The following HECW1 variants were observed in gnomAD, a reference collection of about 807,000 sequenced individuals.
HECW1 encodes HECT, C2 and WW domain containing E3 ubiquitin protein ligase 1, also known as E3 ubiquitin-protein ligase HECW1.
Under a neutral mutation model 182.3 loss-of-function variants are expected in HECW1, and 61 were observed. The observed-to-expected ratio is 0.33, with a 90% CI of 0.27 to 0.41. The LOEUF (loss-of-function observed/expected upper bound fraction) is 0.41, where lower values mean the gene tolerates loss of function less well. Among genes scored for constraint, HECW1 ranks in the 10% least tolerant of loss-of-function variants. HECW1 has a pLI of 1.00. For synonymous variants in HECW1, 859 were observed against 832.6 expected (o/e 1.03, Z -0.55); for missense variants, 1,739 against 2,108.9 (o/e 0.82, Z 3.44).
intron 13 of HECW1, among the ~76,000 whole-genome samples, chr7:43,457,969 T>C (rs2077459209): frequency 6.6e-6 from 1 of 152,152 alleles, no homozygotes; most frequent in Non-Finnish European, 1.5e-5. Context: ...ACAAAAACCA[T>C]AAAAGACTTG....
In HECW1 at chr7:43,444,648, G is replaced by A. The variant is rs1186992883; in HGVS notation, c.1476G>A (p.Thr492=). 3 of 1,607,932 alleles carry A rather than the reference G, an allele frequency of 1.9e-6. No individual in the cohort carries two copies. The highest frequency in any genetic ancestry group is 2.2e-5 in the East Asian group (1 of 44,646). ...AGGAGCCCTTGGAGGAGGAAGCAAC[G>A]ACCCAGAGCCGGGCTGGAAGGGAAG... ...TKEEPLEEEA[T]TQSRAGREEE... is the part of the protein sequence containing the mutation. The change falls in exon 11 of 30, where the codon ACG becomes ACA. Residue 492 remains threonine (T), a synonymous_variant. Coordinates refer to ENST00000395891, the MANE Select transcript of HECW1 (RefSeq NM_015052.5). This position sits in a 1 kb window ranked among gnomAD's most constrained non-coding sequence, Gnocchi z 4.3.
chr7:43,399,788 A>G (rs1421168627), intron 7 of HECW1, among the ~76,000 whole-genome samples: 1 of 152,200 alleles, frequency 6.6e-6, no homozygotes, highest in African/African-American at 2.4e-5. Flanking sequence ...ATTCCCAGCA[A>G]AGGAAAGTGA....
At chr7:43,156,846 T>C (rs551129040) in intron 2 of HECW1, among the ~76,000 whole-genome samples, 1 of 152,202 alleles carries the variant, frequency 6.6e-6, no homozygotes, top group African/African-American at 2.4e-5. Flanking sequence ...CACACCAAAG[T>C]GATCAGGAAA....
intron 12 of HECW1, among the ~76,000 whole-genome samples, chr7:43,452,761 G>C (rs2077275740): frequency 6.6e-6 from 1 of 152,196 alleles, no homozygotes; most frequent in African/African-American, 2.4e-5. Context: ...GAGTTCGTGT[G>C]GGGGTGGCTG....
intron 13 of HECW1, 65 bp downstream of exon 13, chr7:43,456,512 G>C: frequency 6.7e-7 from 1 of 1,502,626 alleles, no homozygotes; most frequent in South Asian, 1.2e-5. Context: ...AGCTAGAGAC[G>C]CTCCCCTTAC....
chr7:43,205,738 C>T (rs1335336189), intron 2 of HECW1, among the ~76,000 whole-genome samples: 1 of 152,198 alleles, frequency 6.6e-6, no homozygotes, highest in African/African-American at 2.4e-5. Flanking sequence ...TCCTCAGTTT[C>T]ATCATGGTCA....
At chr7:43,280,123 G>T (rs1803699912) in intron 3 of HECW1, among the ~76,000 whole-genome samples, 1 of 152,182 alleles carries the variant, frequency 6.6e-6, no homozygotes, top group Non-Finnish European at 1.5e-5. Flanking sequence ...CAGATGCTGG[G>T]TCAGGACTAG....
At chr7:43,251,288 C>T (rs1262257741) in intron 3 of HECW1, among the ~76,000 whole-genome samples, 1 of 152,136 alleles carries the variant, frequency 6.6e-6, no homozygotes, top group Non-Finnish European at 1.5e-5. Context: ...AATGTGGATG[C>T]ACAAAATCTA....
At chr7:43,543,698 G>C (rs1262494875) in intron 26 of HECW1, among the ~76,000 whole-genome samples, 1 of 148,192 alleles carries the variant, frequency 6.7e-6, no homozygotes, top group South Asian at 2.1e-4. Flanking sequence ...AGAATTGCTT[G>C]AACCTAGGAG....
chr7:43,234,235 C>A (rs1294337193), intron 2 of HECW1, among the ~76,000 whole-genome samples: 1 of 152,202 alleles, frequency 6.6e-6, no homozygotes, highest in Non-Finnish European at 1.5e-5. Flanking sequence ...GCAAGGTCTC[C>A]CAACTTCCTC....
At chr7:43,262,177 C>T (rs1054271736) in intron 3 of HECW1, among the ~76,000 whole-genome samples, 4 of 151,990 alleles carry the variant, frequency 2.6e-5, no homozygotes, top group East Asian at 1.9e-4. Context: ...GCTGAGATTG[C>T]GCCACTACAC....
chr7:43,471,578 G>A (rs1054092825), intron 16 of HECW1, among the ~76,000 whole-genome samples: 1 of 152,200 alleles, frequency 6.6e-6, no homozygotes, highest in Non-Finnish European at 1.5e-5. Context: ...GAGGACCGGG[G>A]CAAAGAACAC....
chr7:43,172,367 T>A (rs1182723335), intron 2 of HECW1, among the ~76,000 whole-genome samples: 1 of 151,890 alleles, frequency 6.6e-6, no homozygotes, highest in East Asian at 1.9e-4. Context: ...GAAAAAAATT[T>A]TCTATTTTTA....
intron 2 of HECW1, among the ~76,000 whole-genome samples, chr7:43,222,253 C>T (rs552665563): frequency 2.0e-5 from 3 of 152,248 alleles, no homozygotes; most frequent in African/African-American, 7.2e-5. Context: ...ATTCAGAGAA[C>T]CTGGGTTTTT....
chr7:43,274,131 G>T, intron 3 of HECW1: 1 of 399,920 alleles, frequency 2.5e-6, no homozygotes, highest in Non-Finnish European at 4.4e-6. Flanking sequence ...AGAAAAGCGC[G>T]GGTGGCGGCA....
intron 5 of HECW1, among the ~76,000 whole-genome samples, chr7:43,357,565 G>A (rs964555064): frequency 2.0e-5 from 3 of 152,124 alleles, no homozygotes; most frequent in Admixed American, 2.0e-4. Flanking sequence ...ACCAAGAAAG[G>A]TAGAAGGAAG....
At chr7:43,396,296 A>T (rs13239877) in intron 6 of HECW1, among the ~76,000 whole-genome samples, 24,868 of 152,206 alleles carry the variant, frequency 0.16, 2,708 homozygotes, top group Non-Finnish European at 0.24. Context: ...AAGGCAATTG[A>T]TTAATTAAGA....
At chr7:43,488,494 G>GAAAGGGAAAA (rs2078803375) in intron 17 of HECW1, among the ~76,000 whole-genome samples, 1 of 144,240 alleles carries the variant, frequency 6.9e-6, no homozygotes, top group Non-Finnish European at 1.5e-5. Flanking sequence ...GAAAGAGAAA[G>GAAAGGGAAAA]AAAGAAAGAA....
chr7:43,256,408 A>G (rs1387285455), intron 3 of HECW1, among the ~76,000 whole-genome samples: 3 of 152,102 alleles, frequency 2.0e-5, no homozygotes, highest in Non-Finnish European at 2.9e-5. Flanking sequence ...TCAGGAGTTC[A>G]AGACCAGCCT....
Sources: allele counts gnomAD v4.1 joint callset (sites outside exome capture counted in the v4.1 genomes callset), GRCh38; gene constraint gnomAD v4.1.1; non-coding constraint Gnocchi (gnomAD v3.1); transcripts MANE v1.5; gene names NCBI Gene and HGNC (gene_info 2026-07-23, HGNC 2026-07-21).